Variants in STS observed in about 807,000 individuals in gnomAD.
STS encodes the protein steryl-sulfatase.
Under a neutral mutation model 26.8 loss-of-function variants are expected in STS, and 7 were observed. The ratio of observed to expected loss-of-function variants is 0.26; its 90% confidence interval spans 0.15 to 0.49. The LOEUF is 0.49. STS is among the 20% of genes least tolerant of loss of function. The pLI is 0.98. For synonymous variants in STS, 199 were observed against 189.4 expected (o/e 1.05, Z -0.42); for missense variants, 434 against 465.6 (o/e 0.93, Z 0.63).
intron 3 of STS, among the ~76,000 whole-genome samples, 164 bp from the exon 4 acceptor site, chrX:7,257,078 C>G (rs1177569817): frequency 8.9e-6 from 1 of 112,111 alleles, no homozygotes; most frequent in Non-Finnish European, 1.9e-5. Context: ...ATGGTGAAAC[C>G]CTGCCTCTAC....
At chrX:7,160,198 C>G (rs772487535) in intron 1 of STS, among the ~76,000 whole-genome samples, 2 of 112,292 alleles carry the variant, frequency 1.8e-5, no homozygotes, top group South Asian at 7.3e-4. Flanking sequence ...TATTTATTTC[C>G]CTTCCTGGAA....
rs1406176193 is a variant in STS at position 7,266,884 on chromosome X, C to T, written c.806+7112C>T. Reference sequence around the variant, plus strand: ...CACCGTGGAATGGTTGCCAATTATACGTCAGGTGCTGTGGATACACACATT... The same window carrying T: ...CACCGTGGAATGGTTGCCAATTATATGTCAGGTGCTGTGGATACACACATT... On this transcript the variant is annotated intron_variant, in intron 6 of 10. Transcript: ENST00000674429. Among the ~76,000 whole-genome samples the T allele has an allele frequency of 3.6e-5, 4 of 111,892 alleles. No homozygotes were observed. In the Admixed American group the frequency reaches 3.8e-4, roughly 11 times the overall value.
At chrX:7,316,998 A>G (rs965432482) in intron 8 of STS, among the ~76,000 whole-genome samples, 4 of 112,050 alleles carry the variant, frequency 3.6e-5, no homozygotes, top group Non-Finnish European at 5.6e-5. Flanking sequence ...AAGTGATTTG[A>G]CCTGCTGTGT....
At chrX:7,273,891 A>G (rs1475561751) in intron 6 of STS, among the ~76,000 whole-genome samples, 1 of 111,416 alleles carries the variant, frequency 9.0e-6, no homozygotes, top group Non-Finnish European at 1.9e-5. Flanking sequence ...GGGCCTGGAG[A>G]TTCAGTGGAA....
At chrX:7,200,131 A>G (rs1456067341) in intron 2 of STS, among the ~76,000 whole-genome samples, 4 of 109,334 alleles carry the variant, frequency 3.7e-5, no homozygotes, top group Non-Finnish European at 7.6e-5. Flanking sequence ...GTATGAGAAT[A>G]TCTAGAATCA....
At chrX:7,263,756 C>T (rs1420182164) in intron 6 of STS, among the ~76,000 whole-genome samples, 2 of 109,856 alleles carry the variant, frequency 1.8e-5, no homozygotes, top group South Asian at 3.9e-4. Flanking sequence ...TGTTGTGTTG[C>T]GTTTGTGTGT....
At chrX:7,166,069 G>A (rs932179053) in intron 1 of STS, among the ~76,000 whole-genome samples, 5 of 105,326 alleles carry the variant, frequency 4.7e-5, no homozygotes, top group Non-Finnish European at 9.7e-5. Flanking sequence ...GTGCAGTGGC[G>A]TGATTACGGC....
intron 8 of STS, among the ~76,000 whole-genome samples, chrX:7,312,328 A>T (rs1926518011): frequency 8.9e-6 from 1 of 111,998 alleles, no homozygotes; most frequent in African/African-American, 3.2e-5. Flanking sequence ...AATTGCTCGC[A>T]TCTCTGATAA....
intron 6 of STS, among the ~76,000 whole-genome samples, chrX:7,268,303 G>A (rs1164097129): frequency 8.9e-6 from 1 of 111,872 alleles, no homozygotes; most frequent in Admixed American, 9.5e-5. Flanking sequence ...ATGACCTTTT[G>A]TCCTGGTCTA....
At chrX:7,167,037 C>T (rs1433174116) in intron 1 of STS, among the ~76,000 whole-genome samples, 2 of 110,953 alleles carry the variant, frequency 1.8e-5, no homozygotes, top group African/African-American at 3.3e-5. Flanking sequence ...AAAACAAATA[C>T]CCATTGAGGA....
At position 7,190,947 on chromosome X, in the gene STS, T is replaced by C; in HGVS notation, c.-66T>C. On this transcript the variant is annotated 5_prime_UTR_variant, in exon 2 of 11. Transcript: ENST00000674429. ...CAGTTGCTGAACCTGCACACAGTCA[T>C]CTCAGTAAGTTAAGATCTTCCTGAG... The C allele has an allele frequency of 1.3e-6, 1 of 752,034 alleles. No homozygotes were observed. Among genetic ancestry groups the C allele is most frequent in the Non-Finnish European group, 1.6e-6 (1 of 637,619 alleles). The allele number at this position is 752,034 out of a possible 1,213,427, so 62.0% of individuals were successfully genotyped here.
At chrX:7,330,642 C>A (rs928745613) in intron 9 of STS, among the ~76,000 whole-genome samples, 18 of 112,222 alleles carry the variant, frequency 1.6e-4, no homozygotes, top group Middle Eastern at 4.6e-3. Flanking sequence ...ACAGTTGAGC[C>A]ACTAGAGAAG....
chrX:7,229,602 T>A (rs1323133814), intron 2 of STS, among the ~76,000 whole-genome samples: 1 of 110,736 alleles, frequency 9.0e-6, no homozygotes, highest in African/African-American at 3.3e-5. Flanking sequence ...CTGTGTGGTG[T>A]ACGATTCCCC....
chrX:7,232,868 C>T (rs895210060), intron 2 of STS, among the ~76,000 whole-genome samples: 1 of 111,144 alleles, frequency 9.0e-6, no homozygotes, highest in African/African-American at 3.3e-5. Flanking sequence ...CTGTTCTCAT[C>T]GTAGTGACTG....
chrX:7,342,819 G>A (rs1928353795), intron 10 of STS, among the ~76,000 whole-genome samples: 1 of 111,980 alleles, frequency 8.9e-6, no homozygotes, highest in Non-Finnish European at 1.9e-5. Context: ...TGGAGGCTCA[G>A]GTATGGACAC....
At chrX:7,231,627 C>T (rs1922063469) in intron 2 of STS, among the ~76,000 whole-genome samples, 1 of 111,213 alleles carries the variant, frequency 9.0e-6, no homozygotes, top group Non-Finnish European at 1.9e-5. Flanking sequence ...CAGCTATCTC[C>T]AGACCCTTGG....
At chrX:7,232,855 A>C (rs766616640) in intron 2 of STS, among the ~76,000 whole-genome samples, 2 of 111,446 alleles carry the variant, frequency 1.8e-5, no homozygotes, top group Non-Finnish European at 3.8e-5. Flanking sequence ...TGGTCCCCCC[A>C]TGCTGTTCTC....
intron 6 of STS, among the ~76,000 whole-genome samples, chrX:7,267,482 T>C (rs1398285884): frequency 5.3e-5 from 6 of 112,352 alleles, no homozygotes; most frequent in Admixed American, 9.5e-5. Flanking sequence ...TAGAATGAGA[T>C]TCATGTTTTA....
chrX:7,175,179 TAAAAAA>T (rs143220502), intron 1 of STS, among the ~76,000 whole-genome samples: 18 of 42,086 alleles, frequency 4.3e-4, no homozygotes, highest in African/African-American at 1.5e-3. Flanking sequence ...TCTGAGCTGG[TAAAAAA>T]AAAAAAAAAA....
Sources: gnomAD v4.1 joint callset for allele counts (sites outside exome capture counted in the v4.1 genomes callset) on GRCh38, gnomAD v4.1.1 for gene constraint, MANE v1.5 for transcripts, NCBI Gene and HGNC (gene_info 2026-07-23, HGNC 2026-07-21) for gene names.